DSCAML1: variants seen among roughly 807,000 people sequenced by gnomAD.
DSCAML1 encodes cell adhesion molecule DSCAML1.
In DSCAML1, 38 loss-of-function variants were observed where a neutral mutation model predicts 200.5. The observed-to-expected ratio is 0.19, with a 90% CI of 0.15 to 0.25. The LOEUF is 0.25. Ranked by LOEUF, DSCAML1 falls within the 10% of genes least tolerant of loss-of-function variation. DSCAML1 has a pLI of 1.00. For synonymous variants in DSCAML1, 1,215 were observed against 1,165.0 expected (o/e 1.04, Z -0.87); for missense variants, 2,223 against 2,858.8 (o/e 0.78, Z 5.07).
chr11:117,435,836 A>C, intron 26 of DSCAML1, 37 bp from the exon 27 acceptor site: 1 of 1,584,066 alleles, frequency 6.3e-7, no homozygotes, highest in Non-Finnish European at 8.6e-7. Context: ...GATGTCCCTT[A>C]TGAGCCAGGT....
At chr11:117,633,578 C>A (rs1295343612) in intron 3 of DSCAML1, among the ~76,000 whole-genome samples, 1 of 152,200 alleles carries the variant, frequency 6.6e-6, no homozygotes, top group Admixed American at 6.5e-5. Context: ...CATTGCAATA[C>A]CAACCTCGTC....
At chr11:117,663,461 G>A (rs1460865280) in intron 3 of DSCAML1, among the ~76,000 whole-genome samples, 1 of 152,108 alleles carries the variant, frequency 6.6e-6, no homozygotes, top group African/African-American at 2.4e-5. Flanking sequence ...CCACGTGCTG[G>A]ACTGAGAAAG....
intron 1 of DSCAML1, among the ~76,000 whole-genome samples, chr11:117,806,890 GT>G (rs1192422163): frequency 6.6e-6 from 1 of 152,170 alleles, no homozygotes; most frequent in African/African-American, 2.4e-5. Flanking sequence ...CTCATGGCCA[GT>G]TTTTTGTTTC....
Position 117,772,283 on chromosome 11 carries a change from G to A in DSCAML1, c.511+4508C>T, listed in dbSNP as rs369642072. 2.6e-5 allele frequency among the ~76,000 whole-genome samples: 4 copies of A among 152,152 alleles called. No individual in the cohort carries two copies. In the East Asian group the frequency reaches 5.8e-4, roughly 22 times the overall value. Reference sequence around the variant, plus strand: ...TTGCTCTCTTGGCCAAAGGTGGGCTGCAGGGAGGAAGCACTGCCTGATAGG... The same window carrying A: ...TTGCTCTCTTGGCCAAAGGTGGGCTACAGGGAGGAAGCACTGCCTGATAGG... On this transcript the variant is annotated intron_variant, in intron 3 of 32. Transcript: ENST00000651296.
At chr11:117,664,231 C>T (rs964329341) in intron 3 of DSCAML1, among the ~76,000 whole-genome samples, 2 of 152,228 alleles carry the variant, frequency 1.3e-5, no homozygotes, top group Admixed American at 6.5e-5. Context: ...AGGCCTAGAC[C>T]GGCGAGGGGC....
chr11:117,437,939 G>T lies in DSCAML1; in HGVS notation c.4388C>A (p.Ser1463Tyr), dbSNP rs1017286030. ...CTCGATGATCTCGCTGATGCGCCCA[G>T]AGCCCACGCTGTTCTTGGCTGCCAG... is the stretch of plus-strand genomic sequence containing the variant. ...VKLAAKNSVG[S>Y]GRISEIIEAK... Residue 1463 changes from serine (S) to tyrosine (Y), a missense_variant, in exon 25 of 33, where the codon TCT (serine) becomes TAT (tyrosine). Around this residue, in one of 7 missense-constraint regions of DSCAML1, gnomAD observed 614 missense variants for 739.1 expected, o/e 0.83. Coordinates refer to ENST00000651296, the MANE Select transcript of DSCAML1 (RefSeq NM_020693.4). The surrounding 1 kb of genome is among the most constrained non-coding windows in gnomAD (Gnocchi z 5.3). 6.2e-7 allele frequency: 1 copy of T among 1,613,398 alleles called. No homozygotes were observed. The highest frequency in any genetic ancestry group is 8.5e-7 in the Non-Finnish European group (1 of 1,179,996).
intron 29 of DSCAML1, 90 bp from the exon 30 acceptor site, chr11:117,432,594 C>A: frequency 7.1e-7 from 1 of 1,413,382 alleles, no homozygotes; most frequent in Non-Finnish European, 9.7e-7. Context: ...TGTCTTTATC[C>A]AATGTGTTTT....
At chr11:117,599,095 G>A (rs983385758) in intron 3 of DSCAML1, among the ~76,000 whole-genome samples, 1 of 151,862 alleles carries the variant, frequency 6.6e-6, no homozygotes, top group Non-Finnish European at 1.5e-5. Flanking sequence ...GAAACATTCC[G>A]TTGCAGCTTG....
chr11:117,701,352 G>A (rs960100517), intron 3 of DSCAML1, among the ~76,000 whole-genome samples: 2 of 152,176 alleles, frequency 1.3e-5, no homozygotes, highest in Non-Finnish European at 2.9e-5. Flanking sequence ...TTTGCTGAAC[G>A]ATGATACCAC....
intron 3 of DSCAML1, among the ~76,000 whole-genome samples, chr11:117,645,556 A>C (rs1308510424): frequency 6.6e-6 from 1 of 152,046 alleles, no homozygotes; most frequent in Non-Finnish European, 1.5e-5. Flanking sequence ...TACACCATGG[A>C]ATACTATGCA....
At position 117,503,745 on chromosome 11, in the gene DSCAML1, G is replaced by T. The variant is rs181598160; in HGVS notation, c.2359+100C>A. The T allele has an allele frequency of 1.1e-5, 15 of 1,363,734 alleles. No homozygotes were observed. In the African/African-American group the frequency reaches 1.9e-4, roughly 17 times the overall value. 84.5% of individuals were successfully genotyped at this position (1,363,734 alleles called of 1,614,324 possible). A position where few individuals can be genotyped will look rare whatever the true frequency, so the allele number is the denominator to read the frequency against. Reference sequence around the variant, plus strand: ...GAAGCCTTCCTGCCTCCCCTTCATAGATGAAACGACGGAGACTAAGAGAGT... The same window carrying T: ...GAAGCCTTCCTGCCTCCCCTTCATATATGAAACGACGGAGACTAAGAGAGT... On this transcript the variant is annotated intron_variant, in intron 11 of 32. Coordinates refer to ENST00000651296, the MANE Select transcript of DSCAML1 (RefSeq NM_020693.4). The surrounding 1 kb of genome is among the most constrained non-coding windows in gnomAD (Gnocchi z 5.2).
At chr11:117,464,209 C>T (rs910675102) in intron 17 of DSCAML1, among the ~76,000 whole-genome samples, 1 of 152,130 alleles carries the variant, frequency 6.6e-6, no homozygotes, top group African/African-American at 2.4e-5. Flanking sequence ...AAGAAGGAAG[C>T]TTGGAAGAAT....
At chr11:117,766,138 C>T (rs760794631) in intron 3 of DSCAML1, among the ~76,000 whole-genome samples, 2 of 152,316 alleles carry the variant, frequency 1.3e-5, no homozygotes, top group South Asian at 2.1e-4. Flanking sequence ...GCATTGCGGA[C>T]GCAGTTATGT....
chr11:117,809,882 T>TACAC (rs368848322), intron 1 of DSCAML1, among the ~76,000 whole-genome samples: 1 of 150,320 alleles, frequency 6.7e-6, no homozygotes, highest in Admixed American at 6.7e-5. Flanking sequence ...CACATACTCT[T>TACAC]ACACACACAC....
At chr11:117,610,559 A>C (rs1031017078) in intron 3 of DSCAML1, among the ~76,000 whole-genome samples, 2 of 151,932 alleles carry the variant, frequency 1.3e-5, no homozygotes, top group African/African-American at 2.4e-5. Context: ...GGTGGGGAGG[A>C]AGAGGTAATG....
chr11:117,449,066 C>T (rs563673375), intron 20 of DSCAML1, among the ~76,000 whole-genome samples: 4 of 152,080 alleles, frequency 2.6e-5, no homozygotes, highest in South Asian at 2.1e-4. Context: ...TACAACAACG[C>T]GAATGAAATT....
chr11:117,705,372 T>G (rs112746063), intron 3 of DSCAML1, among the ~76,000 whole-genome samples: 1,943 of 152,308 alleles, frequency 0.013, 41 homozygotes, highest in African/African-American at 0.045. Context: ...ACATTTTATT[T>G]TTTTGCTTTT....
In DSCAML1 at chr11:117,619,815, GCC is replaced by G. The variant is rs1158494855; in HGVS notation, c.512-87295_512-87294del. Among the ~76,000 whole-genome samples, 3 of 152,166 alleles carry G rather than the reference GCC, an allele frequency of 2.0e-5. No homozygotes were observed. The East Asian group carries it at 5.8e-4, about 29-fold the overall frequency. On this transcript the variant is annotated intron_variant, in intron 3 of 32. Coordinates refer to ENST00000651296, the MANE Select transcript of DSCAML1 (RefSeq NM_020693.4). ...CAGGTCACAGGGCACCTTGTTTATG[GCC>G]CCTTTCTACAACAAATTCTTGTGGC...
At chr11:117,796,952 C>A in intron 1 of DSCAML1, 82 bp downstream of exon 1, 1 of 1,111,740 alleles carries the variant, frequency 9.0e-7, no homozygotes, top group Non-Finnish European at 1.2e-6. Flanking sequence ...CACCTGGAGC[C>A]CGCCGGGCAC....
Sources: gnomAD v4.1 joint callset for allele counts (sites outside exome capture counted in the v4.1 genomes callset) on GRCh38, gnomAD v4.1.1 for gene constraint, gnomAD v4.1.1 regional missense constraint, Gnocchi (gnomAD v3.1) non-coding constraint, MANE v1.5 for transcripts, NCBI Gene and HGNC (gene_info 2026-07-23, HGNC 2026-07-21) for gene names.